The following DMD variants were observed in gnomAD, a reference collection of about 807,000 sequenced individuals.
DMD encodes dystrophin.
DMD carries 63 observed loss-of-function variants against 330.1 expected under a neutral mutation model. The ratio of observed to expected loss-of-function variants is 0.19; its 90% CI spans 0.16 to 0.24. DMD has a LOEUF of 0.24. Ranked by LOEUF, DMD falls within the 10% of genes least tolerant of loss-of-function variation. The pLI is 1.00. For missense variants in DMD, 3,344 were observed against 2,684.1 expected, an observed-to-expected ratio of 1.25 and a Z score of -5.43; for synonymous variants, 1,223 against 959.8, an observed-to-expected ratio of 1.27 and a Z score of -5.07.
rs182089264 is a variant in DMD, at chrX:32,995,066, C to A, written c.93+25073G>T. 3.0e-3 allele frequency among the ~76,000 whole-genome samples: 337 copies of A among 111,968 alleles called. 1 individual carries two copies. Among genetic ancestry groups the A allele is most frequent in the African/African-American group, 0.01 (316 of 30,803 alleles). On this transcript the variant is annotated intron_variant, in intron 2 of 78. Transcript: ENST00000357033. ...GCTGCAATGAGCCGCAATGACTCCACTGCACTCCAACCTGAGTGACGAAGT... is the reference window on the plus strand; with the variant it reads ...GCTGCAATGAGCCGCAATGACTCCAATGCACTCCAACCTGAGTGACGAAGT...
intron 52 of DMD, among the ~76,000 whole-genome samples, chrX:31,688,506 C>A (rs62589464): frequency 0.054 from 5,964 of 111,293 alleles, 339 homozygotes; most frequent in Admixed American, 0.26. Context: ...AAGTCCAGGA[C>A]CAGACGGATT....
At chrX:31,861,946 TACAC>T (rs60169449) in intron 48 of DMD, among the ~76,000 whole-genome samples, 20 of 87,961 alleles carry the variant, frequency 2.3e-4, no homozygotes, top group South Asian at 1.2e-3. Flanking sequence ...GAAAATAATA[TACAC>T]ACACACACAC....
At chrX:32,836,123 A>C (rs901238211) in intron 4 of DMD, among the ~76,000 whole-genome samples, 1 of 109,245 alleles carries the variant, frequency 9.2e-6, no homozygotes, top group African/African-American at 3.3e-5. Flanking sequence ...CCTCCGCCTC[A>C]TGGGTTCAAG....
At chrX:32,824,683 C>T (rs912535327) in intron 4 of DMD, among the ~76,000 whole-genome samples, 1 of 111,602 alleles carries the variant, frequency 9.0e-6, no homozygotes, top group Non-Finnish European at 1.9e-5. Flanking sequence ...TGCATATTGA[C>T]TCTGATGGTG....
At chrX:32,560,675 T>G (rs1192140918) in intron 16 of DMD, among the ~76,000 whole-genome samples, 7 of 111,660 alleles carry the variant, frequency 6.3e-5, no homozygotes, top group Non-Finnish European at 1.1e-4. Context: ...TACTTATAAG[T>G]GAGAACATGC....
intron 17 of DMD, among the ~76,000 whole-genome samples, chrX:32,536,129 G>C (rs1214957028): frequency 9.1e-6 from 1 of 109,518 alleles, no homozygotes; most frequent in Non-Finnish European, 1.9e-5. Flanking sequence ...GCTGGGCATG[G>C]TGGCCCTTGC....
chrX:31,178,141 C>G, intron 70 of DMD, 171 bp from the exon 71 acceptor site: 9 of 740,288 alleles, frequency 1.2e-5, no homozygotes, highest in Non-Finnish European at 1.4e-5. Context: ...AGTTGTGTGA[C>G]TGCCATCAGA....
chrX:32,804,478 C>T (rs2855700), intron 7 of DMD, among the ~76,000 whole-genome samples: 1 of 111,045 alleles, frequency 9.0e-6, no homozygotes, highest in Non-Finnish European at 1.9e-5. Flanking sequence ...CCCCAGTCAG[C>T]GGCTTACAGA....
chrX:31,122,365 A>G (rs1048378670), intron 78 of DMD, among the ~76,000 whole-genome samples: 3 of 110,805 alleles, frequency 2.7e-5, no homozygotes, highest in African/African-American at 9.9e-5. Context: ...CATTTTTTTT[A>G]CTATCAATCA....
chrX:31,929,748 G>A lies in DMD; in HGVS notation c.6763-3C>T, dbSNP rs2094829494. Reference sequence around the variant, plus strand: ...AGGGGCAACTCTTCCACCAGTAACTGAAACAGACAAATGCAACAACGTTTA... The same window carrying A: ...AGGGGCAACTCTTCCACCAGTAACTAAAACAGACAAATGCAACAACGTTTA... On this transcript the variant is annotated splice_region_variant and splice_polypyrimidine_tract_variant and intron_variant, in intron 46 of 78. Coordinates refer to ENST00000357033, the MANE Select transcript of DMD (RefSeq NM_004006.3). 2 of 1,210,698 alleles carry A rather than the reference G, an allele frequency of 1.7e-6. No individual in the cohort carries two copies. Among genetic ancestry groups the A allele is most frequent in the South Asian group, 1.8e-5 (1 of 56,948 alleles).
At chrX:31,691,050 C>T (rs1003090276) in intron 52 of DMD, among the ~76,000 whole-genome samples, 5 of 109,492 alleles carry the variant, frequency 4.6e-5, no homozygotes, top group South Asian at 4.0e-4. Flanking sequence ...CATACCAACA[C>T]GGCACATGTA....
chrX:33,031,038 T>A (rs1377769785), intron 1 of DMD, among the ~76,000 whole-genome samples: 1 of 111,535 alleles, frequency 9.0e-6, no homozygotes, highest in African/African-American at 3.3e-5. Flanking sequence ...TAAAATGGCA[T>A]AGTAGATGAG....
intron 47 of DMD, among the ~76,000 whole-genome samples, chrX:31,878,647 C>T (rs1169784978): frequency 8.9e-6 from 1 of 112,118 alleles, no homozygotes; most frequent in Non-Finnish European, 1.9e-5. Flanking sequence ...TTTCCTAACA[C>T]ATGAAAGACC....
intron 9 of DMD, among the ~76,000 whole-genome samples, chrX:32,663,318 C>CT (rs1344549275): frequency 9.0e-6 from 1 of 111,026 alleles, no homozygotes; most frequent in African/African-American, 3.3e-5. Flanking sequence ...TATTATTTTG[C>CT]TTTTTAATAA....
At chrX:31,616,391 C>T (rs1370952148) in intron 55 of DMD, among the ~76,000 whole-genome samples, 2 of 111,523 alleles carry the variant, frequency 1.8e-5, no homozygotes, top group Non-Finnish European at 3.8e-5. Context: ...AGCTGGCTAG[C>T]TGTTCATTTT....
chrX:31,377,391 A>G (rs753449675), intron 60 of DMD, among the ~76,000 whole-genome samples: 2 of 112,205 alleles, frequency 1.8e-5, no homozygotes, highest in South Asian at 3.7e-4. Context: ...CCCCATCACT[A>G]AGTTTTAAGC....
intron 44 of DMD, among the ~76,000 whole-genome samples, chrX:32,031,737 G>T (rs2095885242): frequency 8.9e-6 from 1 of 111,765 alleles, no homozygotes; most frequent in African/African-American, 3.2e-5. Flanking sequence ...CGGAAGGGGA[G>T]CTCAGGACAA....
intron 7 of DMD, among the ~76,000 whole-genome samples, chrX:32,709,308 C>T (rs987294652): frequency 2.7e-5 from 3 of 111,393 alleles, no homozygotes; most frequent in South Asian, 3.7e-4. Flanking sequence ...GCATCCAAAA[C>T]CATGTAACAC....
intron 1 of DMD, among the ~76,000 whole-genome samples, chrX:33,124,021 G>A (rs1003092609): frequency 4.6e-5 from 5 of 108,338 alleles, no homozygotes; most frequent in African/African-American, 1.7e-4. Context: ...AAAAAAATTA[G>A]CTGGGCGTAG....
Sources: gnomAD v4.1 joint callset for allele counts (sites outside exome capture counted in the v4.1 genomes callset) on GRCh38, gnomAD v4.1.1 for gene constraint, MANE v1.5 for transcripts, NCBI Gene and HGNC (gene_info 2026-07-23, HGNC 2026-07-21) for gene names.